LYRM4: variants seen among roughly 807,000 people sequenced by gnomAD.
LYRM4 encodes the protein LYR motif-containing protein 4.
In LYRM4, 9 loss-of-function variants were observed where a neutral mutation model predicts 11.7. The ratio of observed to expected loss-of-function variants is 0.77; its 90% CI spans 0.46 to 1.34. The LOEUF (loss-of-function observed/expected upper bound fraction) is 1.34, where lower values mean the gene tolerates loss of function less well. Among genes scored for constraint, LYRM4 ranks in the 40% most tolerant of loss-of-function variants. The pLI is 0.00. For missense variants in LYRM4, 133 were observed against 112.5 expected (o/e 1.18, Z -0.82); for synonymous variants, 42 against 40.4 (o/e 1.04, Z -0.15).
intron 1 of LYRM4, among the ~76,000 whole-genome samples, chr6:5,235,730 C>T (rs1763501769): frequency 6.6e-6 from 1 of 152,172 alleles, no homozygotes; most frequent in African/African-American, 2.4e-5. Flanking sequence ...ATTCTTTAAA[C>T]AGAAAAATAA....
intron 2 of LYRM4, among the ~76,000 whole-genome samples, chr6:5,121,444 T>C (rs1226467225): frequency 6.6e-6 from 1 of 152,136 alleles, no homozygotes; most frequent in Non-Finnish European, 1.5e-5. Flanking sequence ...CGACCCCTGA[T>C]GGTCAGTGCA....
At chr6:5,130,750 G>T (rs1348319498) in intron 2 of LYRM4, among the ~76,000 whole-genome samples, 1 of 152,046 alleles carries the variant, frequency 6.6e-6, no homozygotes, top group East Asian at 1.9e-4. Context: ...GGAAAAACTG[G>T]TATCCTCTTA....
chr6:5,219,453 CTT>C (rs1235750658), intron 1 of LYRM4, among the ~76,000 whole-genome samples: 2 of 152,226 alleles, frequency 1.3e-5, no homozygotes. Flanking sequence ...TCCCTCCTCT[CTT>C]TCCTGCTCTT....
intron 2 of LYRM4, among the ~76,000 whole-genome samples, chr6:5,169,000 T>C (rs2127664317): frequency 6.6e-6 from 1 of 152,028 alleles, no homozygotes; most frequent in East Asian, 1.9e-4. Flanking sequence ...GGTATATGGG[T>C]TTTCATTATA....
chr6:5,169,218 C>T lies in LYRM4; in HGVS notation c.207+47400G>A, dbSNP rs564143774. ...AGCGGTGATTACAGGTGTGTGCCAC[C>T]GTGCCTGGCACTGACTTGCTCTTGC... On this transcript the variant is annotated intron_variant, in intron 2 of 2. Coordinates refer to ENST00000330636, the MANE Select transcript of LYRM4 (RefSeq NM_020408.6). Among the ~76,000 whole-genome samples the T allele has an allele frequency of 2.6e-5, 4 of 152,214 alleles. No individual in the cohort carries two copies. In the South Asian group the frequency reaches 6.2e-4, roughly 24 times the overall value.
chr6:5,172,735 T>C (rs1759504429), intron 2 of LYRM4, among the ~76,000 whole-genome samples: 1 of 152,246 alleles, frequency 6.6e-6, no homozygotes. Flanking sequence ...ATGTTTGCAT[T>C]AATTCTAAAG....
At chr6:5,144,762 T>G (rs1440835098) in intron 2 of LYRM4, among the ~76,000 whole-genome samples, 1 of 151,450 alleles carries the variant, frequency 6.6e-6, no homozygotes, top group Non-Finnish European at 1.5e-5. Context: ...AGGAGCTGCA[T>G]GTGTCTGGGA....
At chr6:5,154,816 C>T (rs1468016366) in intron 2 of LYRM4, among the ~76,000 whole-genome samples, 1 of 151,290 alleles carries the variant, frequency 6.6e-6, no homozygotes, top group African/African-American at 2.4e-5. Flanking sequence ...GAGACTCCGT[C>T]TCAAAAAATA....
At position 5,129,112 on chromosome 6, in the gene LYRM4, A is replaced by G. The variant is rs116471619; in HGVS notation, c.208-19621T>C. Among the ~76,000 whole-genome samples, 975 of 152,342 alleles carry G rather than the reference A, an allele frequency of 6.4e-3. 6 individuals carry two copies. The highest frequency in any genetic ancestry group is 1.0e-2 in the Non-Finnish European group (677 of 68,030). On this transcript the variant is annotated intron_variant, in intron 2 of 2. Transcript: ENST00000330636. Reference sequence around the variant, plus strand: ...CTATGCTTCCAGGCCATCAGTGGCCACTGCACTTGATGGTGTGATCTTCGG... The same window carrying G: ...CTATGCTTCCAGGCCATCAGTGGCCGCTGCACTTGATGGTGTGATCTTCGG...
the LYRM4 span, chr6:5,085,688 A>G: frequency 3.2e-6 from 5 of 1,547,912 alleles, no homozygotes; most frequent in East Asian, 1.2e-4. Flanking sequence ...GCCGCCCCCC[A>G]GGAGCAGGAG....
the LYRM4 span, among the ~76,000 whole-genome samples, chr6:5,063,815 A>C: frequency 6.6e-6 from 1 of 152,044 alleles, no homozygotes; most frequent in African/African-American, 2.4e-5. Flanking sequence ...GGTTCCCCAG[A>C]CCCTGGACAG....
chr6:5,161,428 A>G (rs1420442595), intron 2 of LYRM4, among the ~76,000 whole-genome samples: 1 of 152,244 alleles, frequency 6.6e-6, no homozygotes, highest in African/African-American at 2.4e-5. Flanking sequence ...TGAACATATG[A>G]CAACCTTAAA....
the LYRM4 span, among the ~76,000 whole-genome samples, chr6:5,074,931 G>A: frequency 6.6e-6 from 1 of 152,112 alleles, no homozygotes; most frequent in African/African-American, 2.4e-5. Context: ...TTGGATTATG[G>A]GGGTGGATTT....
downstream of LYRM4, chr6:5,104,498 C>G (rs1762602552): frequency 6.6e-6 from 1 of 152,150 alleles, no homozygotes; most frequent in South Asian, 2.1e-4. Context: ...TGGTCTCGAA[C>G]TCCTGAGCTC....
intron 2 of LYRM4, among the ~76,000 whole-genome samples, chr6:5,153,679 G>GTA (rs1333395499): frequency 3.3e-5 from 5 of 152,252 alleles, no homozygotes; most frequent in African/African-American, 9.6e-5. Flanking sequence ...AATCACCTCT[G>GTA]TAAGTCTTCA....
In LYRM4 at chr6:5,109,036, G is replaced by A. The variant is rs1762760147; in HGVS notation, c.*387C>T. ...CCTTGTATCAGTAGGAAATGAAAAT[G>A]CATTAATTGGGAGGGGTTTATCTGG... On this transcript the variant is annotated 3_prime_UTR_variant, in exon 3 of 3. Transcript: ENST00000330636. 2.0e-6 allele frequency: 2 copies of A among 1,011,706 alleles called. No individual in the cohort carries two copies. Among genetic ancestry groups the A allele is most frequent in the Admixed American group, 5.3e-5 (1 of 18,806 alleles). The allele number at this position is 1,011,706 out of a possible 1,614,324, so 62.7% of individuals were successfully genotyped here.
At chr6:5,066,115 T>C in the LYRM4 span, 74 of 496,644 alleles carry the variant, frequency 1.5e-4, no homozygotes, top group Non-Finnish European at 2.7e-4. Context: ...TTGTAATAGC[T>C]CCAATAATTC....
chr6:5,110,909 C>T (rs1762851799), intron 2 of LYRM4, among the ~76,000 whole-genome samples: 1 of 152,178 alleles, frequency 6.6e-6, no homozygotes, highest in Non-Finnish European at 1.5e-5. Flanking sequence ...ACGGGCCACA[C>T]TTTAGGTGGC....
intron 2 of LYRM4, among the ~76,000 whole-genome samples, chr6:5,126,717 A>T (rs1763714885): frequency 6.6e-6 from 1 of 152,248 alleles, no homozygotes; most frequent in Non-Finnish European, 1.5e-5. Context: ...TAAGTGATAG[A>T]AGCCAAACAC....
Sources: gnomAD v4.1 joint callset for allele counts (sites outside exome capture counted in the v4.1 genomes callset) on GRCh38, gnomAD v4.1.1 for gene constraint, MANE v1.5 for transcripts, NCBI Gene and HGNC (gene_info 2026-07-23, HGNC 2026-07-21) for gene names.